The following C2CD3 variants were observed in gnomAD, a reference collection of about 807,000 sequenced individuals.
C2CD3 encodes C2 domain-containing protein 3.
C2CD3 carries 148 observed loss-of-function variants against 234.0 expected under a neutral mutation model. The observed-to-expected ratio is 0.63, with a 90% CI of 0.55 to 0.72. C2CD3 has a LOEUF of 0.72. Ranked by LOEUF, C2CD3 falls within the 30% of genes least tolerant of loss-of-function variation. The pLI is 0.00. For synonymous variants in C2CD3, 1,000 were observed against 1,035.4 expected, an observed-to-expected ratio of 0.97 and a Z score of 0.66; for missense variants, 2,577 against 2,811.5, an observed-to-expected ratio of 0.92 and a Z score of 1.89.
intron 15 of C2CD3, among the ~76,000 whole-genome samples, chr11:74,099,770 C>T (rs1956243080): frequency 6.6e-6 from 1 of 151,946 alleles, no homozygotes; most frequent in Non-Finnish European, 1.5e-5. Context: ...GTGGCAGGTG[C>T]CTGTAGTCCC....
At chr11:74,160,871 G>A (rs559832953) in intron 3 of C2CD3, among the ~76,000 whole-genome samples, 29 of 152,122 alleles carry the variant, frequency 1.9e-4, no homozygotes, top group Non-Finnish European at 3.1e-4. Context: ...TGTGTATCAC[G>A]CGTCAATTAG....
intron 28 of C2CD3, 43 bp from the exon 29 acceptor site, chr11:74,042,261 C>T (rs769806329): frequency 1.3e-6 from 2 of 1,573,936 alleles, no homozygotes; most frequent in South Asian, 1.2e-5. Context: ...AAAATAAATT[C>T]CCAATCAATG....
At chr11:74,028,184 G>A in intron 32 of C2CD3, 103 bp downstream of exon 32, 1 of 815,692 alleles carries the variant, frequency 1.2e-6, no homozygotes, top group Non-Finnish European at 1.9e-6. Context: ...CCCTGCTGCA[G>A]CCTTTCCAGG....
intron 3 of C2CD3, among the ~76,000 whole-genome samples, chr11:74,143,401 G>A (rs1254339501): frequency 6.6e-6 from 1 of 151,662 alleles, no homozygotes; most frequent in East Asian, 1.9e-4. Flanking sequence ...CACCCAGGCT[G>A]GAGTGCAGTG....
chr11:74,073,709 C>T (rs184007336), intron 24 of C2CD3, among the ~76,000 whole-genome samples: 13 of 152,016 alleles, frequency 8.6e-5, no homozygotes, highest in Admixed American at 8.5e-4. Flanking sequence ...TATGGAAATA[C>T]CTGTGATTTC....
At chr11:74,087,479 G>T (rs1170456575) in intron 20 of C2CD3, among the ~76,000 whole-genome samples, 1 of 151,786 alleles carries the variant, frequency 6.6e-6, no homozygotes, top group Non-Finnish European at 1.5e-5. Context: ...CAGGAGAATC[G>T]CTTGAACCCA....
At chr11:74,154,406 G>A (rs1855874021) in intron 3 of C2CD3, among the ~76,000 whole-genome samples, 2 of 152,046 alleles carry the variant, frequency 1.3e-5, no homozygotes, top group South Asian at 4.2e-4. Context: ...TTGGCCCAAA[G>A]TCTCTACTTA....
intron 3 of C2CD3, among the ~76,000 whole-genome samples, chr11:74,155,583 A>G (rs1343780699): frequency 6.6e-6 from 1 of 152,178 alleles, no homozygotes; most frequent in Non-Finnish European, 1.5e-5. Flanking sequence ...CTTCTGATAC[A>G]TGCTATAACA....
At chr11:74,021,278 A>G (rs903546323) in intron 32 of C2CD3, among the ~76,000 whole-genome samples, 1 of 152,018 alleles carries the variant, frequency 6.6e-6, no homozygotes, top group Non-Finnish European at 1.5e-5. Flanking sequence ...AACAAAAAAC[A>G]CCACCCCCCT....
At chr11:74,041,095 T>C (rs17132629) in intron 29 of C2CD3, among the ~76,000 whole-genome samples, 14,857 of 151,996 alleles carry the variant, frequency 0.098, 1,988 homozygotes, top group African/African-American at 0.31. Flanking sequence ...GCAACCTCCA[T>C]ATTGTTCTTT....
At position 74,048,251 on chromosome 11, in the gene C2CD3, G is replaced by A; in HGVS notation, c.5449C>T (p.Leu1817Phe). The A allele has an allele frequency of 1.2e-5, 19 of 1,613,772 alleles. No homozygotes were observed. The highest frequency in any genetic ancestry group is 1.5e-5 in the Non-Finnish European group (18 of 1,179,810). Residue 1817 changes from leucine (L) to phenylalanine (F), a missense_variant, in exon 28 of 33, where the codon CTT (leucine) becomes TTT (phenylalanine). By Grantham distance (22) the Leu-to-Phe change is conservative (BLOSUM62 0). Transcript: ENST00000334126. ...AGCTCCTTTGAGGAGGCATGAGCAA[G>A]TTGGTCTAGGGTCTGCCTTGCCATG... Reference protein sequence around the residue: ...SHMARQTLDQLAHASSKELDF... With the variant: ...SHMARQTLDQFAHASSKELDF...
chr11:74,079,398 G>T (rs1282513618), intron 22 of C2CD3, among the ~76,000 whole-genome samples: 5 of 150,524 alleles, frequency 3.3e-5, no homozygotes, highest in East Asian at 1.9e-4. Context: ...GGGTTTGTTT[G>T]TTTTTTTTTG....
chr11:74,024,414 G>A (rs1004734100), intron 32 of C2CD3, among the ~76,000 whole-genome samples: 1 of 152,206 alleles, frequency 6.6e-6, no homozygotes, highest in Non-Finnish European at 1.5e-5. Flanking sequence ...TCAGGCTGAA[G>A]GGAAATGGTC....
chr11:74,039,203 AG>A (rs1417471041), intron 29 of C2CD3, among the ~76,000 whole-genome samples: 1 of 152,234 alleles, frequency 6.6e-6, no homozygotes, highest in Non-Finnish European at 1.5e-5. Flanking sequence ...TTGTTAGACC[AG>A]TGTAGAACCA....
chr11:74,069,698 AT>A (rs1200738274), intron 24 of C2CD3, among the ~76,000 whole-genome samples: 1 of 152,120 alleles, frequency 6.6e-6, no homozygotes, highest in Non-Finnish European at 1.5e-5. Context: ...CGTACTTTAG[AT>A]TTTTTTCCAT....
rs1473239003 is a variant in C2CD3, at chr11:74,078,676, C to A, written c.4042G>T (p.Gly1348Cys). Residue 1348 changes from glycine (G) to cysteine (C), a missense_variant, in exon 23 of 33, where the codon GGC becomes TGC. Physicochemically the swap from Gly to Cys is radical, Grantham distance 159. Transcript: ENST00000334126. ...WYPIILPEDG[G>C]LPHGLELMQK... Reference sequence around the variant, plus strand: ...ATGAGCTCCAGGCCATGAGGTAGGCCCCCGTCTTCTGGTAAAATGATAGGA... The same window carrying A: ...ATGAGCTCCAGGCCATGAGGTAGGCACCCGTCTTCTGGTAAAATGATAGGA... The A allele has an allele frequency of 1.2e-6, 2 of 1,612,074 alleles. No homozygotes were observed. Among genetic ancestry groups the A allele is most frequent in the Non-Finnish European group, 1.7e-6 (2 of 1,179,154 alleles).
chr11:74,162,514 G>A (rs1490164285), intron 2 of C2CD3, among the ~76,000 whole-genome samples: 1 of 152,050 alleles, frequency 6.6e-6, no homozygotes, highest in Non-Finnish European at 1.5e-5. Flanking sequence ...AACTATAACA[G>A]AGATAACAAA....
intron 24 of C2CD3, among the ~76,000 whole-genome samples, chr11:74,072,030 T>C (rs1954816822): frequency 6.6e-6 from 1 of 152,104 alleles, no homozygotes. Context: ...AAAAAAAAAC[T>C]TTCCAAAAAT....
intron 16 of C2CD3, 90 bp downstream of exon 16, chr11:74,097,919 T>C: frequency 2.3e-6 from 3 of 1,313,790 alleles, no homozygotes; most frequent in Non-Finnish European, 3.2e-6. Flanking sequence ...AGCCTTTCAT[T>C]ACAGAAATAA....
Sources: gnomAD v4.1 joint callset for allele counts (sites outside exome capture counted in the v4.1 genomes callset) on GRCh38, gnomAD v4.1.1 for gene constraint, MANE v1.5 for transcripts, NCBI Gene and HGNC (gene_info 2026-07-23, HGNC 2026-07-21) for gene names.